Variants in FAM118A observed in about 807,000 individuals in gnomAD.
FAM118A encodes SIR2 antiphage like 2.
In FAM118A, 25 loss-of-function variants were observed where a neutral mutation model predicts 38.2. The observed-to-expected ratio is 0.65, with a 90% CI of 0.48 to 0.91. The LOEUF (loss-of-function observed/expected upper bound fraction) is 0.91. FAM118A is among the 40% of genes least tolerant of loss of function. The pLI, the probability that FAM118A is intolerant of heterozygous loss-of-function variation, is 0.00. For missense variants in FAM118A, 425 were observed against 463.3 expected (o/e 0.92, Z 0.76); for synonymous variants, 178 against 184.1 (o/e 0.97, Z 0.27).
rs1023218374 is a variant in FAM118A at position 45,322,507 on chromosome 22, A to C, written c.47+81A>C. 89 of 1,232,750 alleles carry C rather than the reference A, an allele frequency of 7.2e-5. 2 individuals carry two copies. The South Asian group carries it at 7.3e-4, about 10-fold the overall frequency. 76.4% of individuals were successfully genotyped at this position (1,232,750 alleles called of 1,614,324 possible). A position where few individuals can be genotyped will look rare whatever the true frequency, so the allele number is the denominator to read the frequency against. ...TCGTGAGTGTGCGCACTCGTTCTTT[A>C]GTACCTGCAAGGGCGAAAGTGAAAT... is the stretch of plus-strand genomic sequence containing the variant. On this transcript the variant is annotated intron_variant, in intron 2 of 8. Transcript: ENST00000441876.
At chr22:45,338,581 C>T (rs765244027) in intron 8 of FAM118A, among the ~76,000 whole-genome samples, 4 of 152,154 alleles carry the variant, frequency 2.6e-5, no homozygotes, top group African/African-American at 9.7e-5. Flanking sequence ...TGTAAGTCTG[C>T]GAGAACTCTG....
intron 1 of FAM118A, among the ~76,000 whole-genome samples, chr22:45,313,385 C>T (rs552006222): frequency 7.7e-5 from 11 of 142,482 alleles, no homozygotes; most frequent in African/African-American, 2.9e-4. Flanking sequence ...TGCAATGGTG[C>T]GATCTCGGCT....
intron 3 of FAM118A, among the ~76,000 whole-genome samples, chr22:45,327,561 C>T (rs1351577192): frequency 6.6e-6 from 1 of 152,138 alleles, no homozygotes; most frequent in Non-Finnish European, 1.5e-5. Flanking sequence ...GTTCAGATGC[C>T]CTCTTCTCAG....
chr22:45,327,692 C>T (rs1202176558), intron 3 of FAM118A, 150 bp from the exon 4 acceptor site: 5 of 746,946 alleles, frequency 6.7e-6, no homozygotes, highest in Non-Finnish European at 6.7e-6. Flanking sequence ...TCCCCTGTCC[C>T]CCTGCTCTGG....
intron 1 of FAM118A, among the ~76,000 whole-genome samples, chr22:45,311,961 A>G (rs1429852105): frequency 6.6e-6 from 1 of 152,074 alleles, no homozygotes; most frequent in Admixed American, 6.5e-5. Context: ...GTGCTTCACC[A>G]TAGTCTAATG....
chr22:45,332,690 T>C lies in FAM118A; in HGVS notation c.917T>C (p.Ile306Thr). ...PGYVQDLATQ[I>T]CKQQSPDADR... ...TATGTGCAAGACCTTGCCACTCAGA[T>C]CTGCAAACAGCAAAGCCCAGGTATG... is the stretch of plus-strand genomic sequence containing the variant. The change falls in exon 6 of 9, where the codon ATC becomes ACC. Residue 306 changes from isoleucine (I) to threonine (T), a missense_variant. Transcript: ENST00000441876. The C allele has an allele frequency of 1.9e-6, 3 of 1,605,370 alleles. No individual in the cohort carries two copies. Among genetic ancestry groups the C allele is most frequent in the Non-Finnish European group, 2.6e-6 (3 of 1,174,156 alleles).
rs146871957 is a variant in FAM118A at position 45,323,361 on chromosome 22, G to A, written c.234G>A (p.Arg78=). 1.2e-5 allele frequency: 19 copies of A among 1,614,098 alleles called. No individual in the cohort carries two copies. Among genetic ancestry groups the A allele is most frequent in the African/African-American group, 2.7e-5 (2 of 74,930 alleles). The change falls in exon 3 of 9, where the codon CGG becomes CGA. Residue 78 remains arginine (R), a synonymous_variant. Transcript: ENST00000441876. ...VLHPGDVAEF[R]RKVTKDRDLL... is the part of the protein sequence containing the mutation. Reference sequence around the variant, plus strand: ...ACCCCGGAGACGTCGCCGAGTTCCGGAGGAAAGTGACAAAGGACCGGGACC... The same window carrying A: ...ACCCCGGAGACGTCGCCGAGTTCCGAAGGAAAGTGACAAAGGACCGGGACC...
chr22:45,323,797 G>T (rs781409271), intron 3 of FAM118A, among the ~76,000 whole-genome samples: 2 of 152,218 alleles, frequency 1.3e-5, no homozygotes, highest in African/African-American at 4.8e-5. Context: ...CAGATGACAG[G>T]TGCTTCCTAG....
chr22:45,319,256 A>T (rs2084744786), intron 1 of FAM118A, among the ~76,000 whole-genome samples: 1 of 152,220 alleles, frequency 6.6e-6, no homozygotes, highest in Non-Finnish European at 1.5e-5. Context: ...TGTTTAAAAA[A>T]TAGTCTAAAA....
At position 45,330,605 on chromosome 22, in the gene FAM118A, C is replaced by T. The variant is rs536474048; in HGVS notation, c.525C>T (p.Val175=). 5 of 1,553,064 alleles carry T rather than the reference C, an allele frequency of 3.2e-6. No individual in the cohort carries two copies. The highest frequency in any genetic ancestry group is 1.2e-5 in the South Asian group (1 of 81,818). The change falls in exon 5 of 9, where the codon GTC becomes GTT. Residue 175 remains valine, a splice_region_variant and synonymous_variant. Transcript: ENST00000441876. ...ESLDLKDKTK[V]LEWARGHMKY... is the part of the protein sequence containing the mutation. ...TTTCTTGGCTTGATGTTTGGTAGGT[C>T]CTTGAATGGGCAAGAGGGCACATGA...
chr22:45,324,785 G>A (rs938216621), intron 3 of FAM118A, among the ~76,000 whole-genome samples: 8 of 152,162 alleles, frequency 5.3e-5, no homozygotes, highest in African/African-American at 9.7e-5. Flanking sequence ...GGTGGCTCAC[G>A]CCTGTAATCC....
intron 8 of FAM118A, chr22:45,337,991 G>C: frequency 4.5e-6 from 3 of 659,724 alleles, no homozygotes; most frequent in Non-Finnish European, 5.6e-6. Context: ...TTTTTTCCTG[G>C]GAGTTTTTAG....
intron 6 of FAM118A, among the ~76,000 whole-genome samples, chr22:45,333,534 C>T (rs1263838154): frequency 6.6e-6 from 1 of 151,894 alleles, no homozygotes; most frequent in African/African-American, 2.4e-5. Flanking sequence ...ATTAGCTGGG[C>T]ATGGTGGCGG....
At chr22:45,335,237 T>C in intron 6 of FAM118A, 113 bp from the exon 7 acceptor site, 2 of 1,232,888 alleles carry the variant, frequency 1.6e-6, no homozygotes, top group Non-Finnish European at 2.3e-6. Context: ...CGGGCTGACC[T>C]GCCCAGAAGC....
chr22:45,319,216 G>GT (rs1011018872), intron 1 of FAM118A, among the ~76,000 whole-genome samples: 6 of 152,194 alleles, frequency 3.9e-5, no homozygotes, highest in African/African-American at 1.2e-4. Context: ...TAGGCATGTG[G>GT]TTTTTTTACG....
chr22:45,331,528 C>G (rs1460805877), intron 5 of FAM118A, among the ~76,000 whole-genome samples: 1 of 152,072 alleles, frequency 6.6e-6, no homozygotes, highest in Non-Finnish European at 1.5e-5. Flanking sequence ...GTGTGTGCCC[C>G]TACTCCCGGC....
At chr22:45,338,456 T>C (rs892396602) in intron 8 of FAM118A, among the ~76,000 whole-genome samples, 4 of 152,204 alleles carry the variant, frequency 2.6e-5, no homozygotes, top group Non-Finnish European at 4.4e-5. Context: ...CTCAAACTCC[T>C]GACCTTGTGA....
At chr22:45,322,218 AC>A in intron 1 of FAM118A, 152 bp from the exon 2 acceptor site, 1 of 1,536,804 alleles carries the variant, frequency 6.5e-7, no homozygotes, top group Non-Finnish European at 8.8e-7. Context: ...TTTTGGATGT[AC>A]GTCATTTGCG....
intron 2 of FAM118A, among the ~76,000 whole-genome samples, chr22:45,322,672 G>A (rs758819878): frequency 6.6e-6 from 1 of 152,188 alleles, no homozygotes; most frequent in Non-Finnish European, 1.5e-5. Flanking sequence ...CTAGAACTGG[G>A]AGTGTCAGGC....
Sources: gnomAD v4.1 joint callset for allele counts (sites outside exome capture counted in the v4.1 genomes callset) on GRCh38, gnomAD v4.1.1 for gene constraint, MANE v1.5 for transcripts, NCBI Gene and HGNC (gene_info 2026-07-23, HGNC 2026-07-21) for gene names.